The following PCDHGB4 variants were observed in gnomAD, a reference collection of about 807,000 sequenced individuals.
PCDHGB4 encodes protocadherin gamma subfamily B, 4.
PCDHGB4 carries 38 observed loss-of-function variants against 60.5 expected under a neutral mutation model. The observed-to-expected ratio is 0.63, with a 90% CI of 0.48 to 0.82. PCDHGB4 has a LOEUF of 0.82. PCDHGB4 is among the 40% of genes least tolerant of loss of function. The pLI is 0.00. For synonymous variants in PCDHGB4, 456 were observed against 509.7 expected (o/e 0.89, Z 1.42); for missense variants, 1,109 against 1,209.6 (o/e 0.92, Z 1.23).
chr5:141,501,442 T>C (rs1202229661), intron 2 of PCDHGB4, among the ~76,000 whole-genome samples: 1 of 152,016 alleles, frequency 6.6e-6, no homozygotes, highest in African/African-American at 2.4e-5. Context: ...ATTTCTTCCA[T>C]TTTTACTTTT....
intron 1 of PCDHGB4, chr5:141,415,740 GTTTTTT>G (rs57426385): frequency 0.053 from 32,266 of 613,620 alleles, 66 homozygotes; most frequent in South Asian, 0.061. Flanking sequence ...GTTTATTAAG[GTTTTTT>G]TTTTTTTTTT....
intron 1 of PCDHGB4, chr5:141,403,552 G>A (rs1228068556): frequency 1.2e-6 from 2 of 1,613,892 alleles, no homozygotes; most frequent in African/African-American, 1.3e-5. Flanking sequence ...AGCGCGCCCT[G>A]GACAGGGAGG....
intron 2 of PCDHGB4, among the ~76,000 whole-genome samples, chr5:141,501,324 CA>C (rs1311475307): frequency 7.2e-5 from 11 of 151,778 alleles, no homozygotes; most frequent in African/African-American, 1.9e-4. Flanking sequence ...CACACACACA[CA>C]CACACACACC....
rs2099624335 is a variant in PCDHGB4 at position 141,486,093 on chromosome 5, C to T, written c.2398-8714C>T. On this transcript the variant is annotated intron_variant, in intron 1 of 3. Coordinates refer to ENST00000519479, the MANE Select transcript of PCDHGB4 (RefSeq NM_003736.4). This position sits in a 1 kb window ranked among gnomAD's most constrained non-coding sequence, Gnocchi z 5.0. ...ACTGGAAAGCTTACTCTTTTGGGGC[C>T]CCTAGACTTTGAGAGTGAGAATTAC... 1 of 1,614,112 alleles carries T rather than the reference C, an allele frequency of 6.2e-7. No homozygotes were observed. The highest frequency in any genetic ancestry group is 8.5e-7 in the Non-Finnish European group (1 of 1,180,008).
At chr5:141,392,751 A>T in intron 1 of PCDHGB4, 1 of 1,453,336 alleles carries the variant, frequency 6.9e-7, no homozygotes, top group South Asian at 1.5e-5. Flanking sequence ...CTGCGGCAAG[A>T]AACTAAATAA....
intron 1 of PCDHGB4, chr5:141,416,921 G>C (rs985660835): frequency 6.6e-6 from 1 of 151,994 alleles, no homozygotes; most frequent in Non-Finnish European, 1.5e-5. Flanking sequence ...TAGGGTCATA[G>C]TTATTAACTA....
In PCDHGB4 at chr5:141,400,030, C is replaced by T. The variant is rs201599536; in HGVS notation, c.2397+9749C>T. 180 of 1,613,050 alleles carry T rather than the reference C, an allele frequency of 1.1e-4. No individual in the cohort carries two copies. Among genetic ancestry groups the T allele is most frequent in the East Asian group, 1.6e-4 (7 of 44,886 alleles). On this transcript the variant is annotated intron_variant, in intron 1 of 3. Coordinates refer to ENST00000519479, the MANE Select transcript of PCDHGB4 (RefSeq NM_003736.4). Reference sequence around the variant, plus strand: ...TGCCTTGGGCGACAGGGACGCGGCCCGCCAGCGCCTGCTGGTTGCTGTGCG... The same window carrying T: ...TGCCTTGGGCGACAGGGACGCGGCCTGCCAGCGCCTGCTGGTTGCTGTGCG...
At position 141,431,696 on chromosome 5, in the gene PCDHGB4, G is replaced by T; in HGVS notation, c.2397+41415G>T. ...AGGGGAGTTGGACCACGAGGAGTCA[G>T]GATTCTACCAGATGGAAGTGCAAGC... On this transcript the variant is annotated intron_variant, in intron 1 of 3. Transcript: ENST00000519479. The surrounding 1 kb of genome is among the most constrained non-coding windows in gnomAD (Gnocchi z 4.8). 6.2e-7 allele frequency: 1 copy of T among 1,614,238 alleles called. No individual in the cohort carries two copies. Among genetic ancestry groups the T allele is most frequent in the Non-Finnish European group, 8.5e-7 (1 of 1,180,038 alleles).
At chr5:141,488,525 G>A (rs1040463796) in intron 1 of PCDHGB4, among the ~76,000 whole-genome samples, 1 of 152,182 alleles carries the variant, frequency 6.6e-6, no homozygotes, top group African/African-American at 2.4e-5. Flanking sequence ...TGGGGTGTCA[G>A]AAAAGCTAAG....
At chr5:141,410,807 T>C in intron 1 of PCDHGB4, 1 of 647,592 alleles carries the variant, frequency 1.5e-6, no homozygotes, top group Non-Finnish European at 2.4e-6. Flanking sequence ...CTCTATCTTT[T>C]TGTAAAATAA....
At chr5:141,415,688 T>A (rs373105795) in intron 1 of PCDHGB4, 395 of 1,545,880 alleles carry the variant, frequency 2.6e-4, no homozygotes, top group Non-Finnish European at 3.3e-4. Context: ...GGCATGATGG[T>A]GGAAAGTGTA....
chr5:141,510,272 TAAAA>T (rs546154379), intron 3 of PCDHGB4, among the ~76,000 whole-genome samples: 1 of 130,390 alleles, frequency 7.7e-6, no homozygotes, highest in East Asian at 2.2e-4. Context: ...GACTCCATCT[TAAAA>T]AAAAAAAAAA....
chr5:141,490,993 C>G lies in PCDHGB4; in HGVS notation c.2398-3814C>G, dbSNP rs746618787. 1.9e-6 allele frequency: 3 copies of G among 1,614,140 alleles called. No individual in the cohort carries two copies. Among genetic ancestry groups the G allele is most frequent in the Non-Finnish European group, 2.5e-6 (3 of 1,180,030 alleles). On this transcript the variant is annotated intron_variant, in intron 1 of 3. Coordinates refer to ENST00000519479, the MANE Select transcript of PCDHGB4 (RefSeq NM_003736.4). The surrounding 1 kb of genome is among the most constrained non-coding windows in gnomAD (Gnocchi z 5.4). ...CCAGCGTCTCCCTCGCTCTGCTCCT[C>G]CTGGCTCCTTGGTCACCAAGGTGAC...
intron 1 of PCDHGB4, among the ~76,000 whole-genome samples, chr5:141,467,254 T>C (rs1291193879): frequency 2.0e-5 from 3 of 152,248 alleles, no homozygotes; most frequent in Admixed American, 6.5e-5. Flanking sequence ...GGTTTCACCA[T>C]GTTGGCCAGG....
At chr5:141,497,101 G>A (rs1465038195) in intron 2 of PCDHGB4, among the ~76,000 whole-genome samples, 1 of 152,042 alleles carries the variant, frequency 6.6e-6, no homozygotes, top group African/African-American at 2.4e-5. Flanking sequence ...AGGCAGAACT[G>A]CTTGAACCCG....
chr5:141,477,765 A>C lies in PCDHGB4; in HGVS notation c.2398-17042A>C, dbSNP rs752391870. The C allele has an allele frequency of 6.2e-7, 1 of 1,614,026 alleles. No individual in the cohort carries two copies. Among genetic ancestry groups the C allele is most frequent in the Non-Finnish European group, 8.5e-7 (1 of 1,180,036 alleles). Reference sequence around the variant, plus strand: ...GGGGGCACCCCGGTCCTAGCCACCAACATCAGCGTGAACATATTTGTCACT... The same window carrying C: ...GGGGGCACCCCGGTCCTAGCCACCACCATCAGCGTGAACATATTTGTCACT... On this transcript the variant is annotated intron_variant, in intron 1 of 3. Coordinates refer to ENST00000519479, the MANE Select transcript of PCDHGB4 (RefSeq NM_003736.4). The surrounding 1 kb of genome is among the most constrained non-coding windows in gnomAD (Gnocchi z 4.9).
rs1427881816 is a variant in PCDHGB4 at position 141,486,740 on chromosome 5, T to C, written c.2398-8067T>C. ...AGGAGCTGTTCATGCTACTCGATCC[T>C]TTGACTATGAGCAAACCCAGACACT... On this transcript the variant is annotated intron_variant, in intron 1 of 3. Coordinates refer to ENST00000519479, the MANE Select transcript of PCDHGB4 (RefSeq NM_003736.4). The surrounding 1 kb of genome is among the most constrained non-coding windows in gnomAD (Gnocchi z 5.0). 6.2e-7 allele frequency: 1 copy of C among 1,614,234 alleles called. No homozygotes were observed. Among genetic ancestry groups the C allele is most frequent in the Admixed American group, 1.7e-5 (1 of 60,026 alleles).
At chr5:141,421,355 G>A in intron 1 of PCDHGB4, 1 of 1,613,990 alleles carries the variant, frequency 6.2e-7, no homozygotes, top group East Asian at 2.2e-5. Flanking sequence ...ACCGAAAAGG[G>A]CTCCTTCGTG....
rs770759647 is a variant in PCDHGB4 at position 141,393,173 on chromosome 5, A to C, written c.2397+2892A>C. 38 of 1,613,150 alleles carry C rather than the reference A, an allele frequency of 2.4e-5. No homozygotes were observed. Among genetic ancestry groups the C allele is most frequent in the Non-Finnish European group, 3.2e-5 (38 of 1,179,886 alleles). ...ATAAAGGAAAACTCTTTGGGGTAGA[A>C]ATAGAAATAATTGATATTAACGATA... On this transcript the variant is annotated intron_variant, in intron 1 of 3. Coordinates refer to ENST00000519479, the MANE Select transcript of PCDHGB4 (RefSeq NM_003736.4).
Sources: allele counts gnomAD v4.1 joint callset (sites outside exome capture counted in the v4.1 genomes callset), GRCh38; gene constraint gnomAD v4.1.1; non-coding constraint Gnocchi (gnomAD v3.1); transcripts MANE v1.5; gene names NCBI Gene and HGNC (gene_info 2026-07-23, HGNC 2026-07-21).